ARHGAP6: variants seen among roughly 807,000 people sequenced by gnomAD.
ARHGAP6 encodes the protein Rho GTPase activating protein 6, also known as rho GTPase-activating protein 6.
ARHGAP6 carries 16 observed loss-of-function variants against 55.7 expected under a neutral mutation model. The ratio of observed to expected loss-of-function variants is 0.29; its 90% CI spans 0.19 to 0.44. The LOEUF (loss-of-function observed/expected upper bound fraction) is 0.44, where lower values mean the gene tolerates loss of function less well. ARHGAP6 is among the 20% of genes least tolerant of loss of function. ARHGAP6 has a pLI of 1.00. For synonymous variants in ARHGAP6, 382 were observed against 360.9 expected, an observed-to-expected ratio of 1.06 and a Z score of -0.66; for missense variants, 698 against 808.9, an observed-to-expected ratio of 0.86 and a Z score of 1.66.
At chrX:11,481,531 T>C (rs766824555) in intron 1 of ARHGAP6, among the ~76,000 whole-genome samples, 1 of 112,362 alleles carries the variant, frequency 8.9e-6, no homozygotes, top group Non-Finnish European at 1.9e-5. Flanking sequence ...AAGGATACGA[T>C]GAGTGCACCA....
chrX:11,404,222 C>G (rs1204400307), intron 1 of ARHGAP6, among the ~76,000 whole-genome samples: 3 of 111,177 alleles, frequency 2.7e-5, no homozygotes, highest in African/African-American at 9.8e-5. Context: ...GTCTTGTCCC[C>G]CTACCATTGC....
rs1313491019 is a variant in ARHGAP6, at chrX:11,169,630, G to T, written c.1684C>A (p.Leu562Met). ...LNLATIFGPN[L>M]LHKQKSSDKE... is the part of the protein sequence containing the mutation. ...TCTGATGACTTCTGCTTGTGCAGCA[G>T]GTTGGGTCCAAATATGGTGGCTAAG... Residue 562 changes from leucine (L) to methionine (M), a missense_variant, in exon 9 of 13, where the codon CTG (leucine) becomes ATG (methionine). By Grantham distance (15) the Leu-to-Met change is conservative. Around this residue, in one of 3 missense-constraint regions of ARHGAP6, gnomAD observed 322 missense variants for 451.1 expected, o/e 0.71. Coordinates refer to ENST00000337414, the MANE Select transcript of ARHGAP6 (RefSeq NM_013427.3). The T allele has an allele frequency of 1.7e-6, 2 of 1,207,473 alleles. No individual in the cohort carries two copies. The highest frequency in any genetic ancestry group is 2.2e-6 in the Non-Finnish European group (2 of 893,576).
rs1358050833 is a variant in ARHGAP6, at chrX:11,179,442, T to G, written c.1340A>C (p.Glu447Ala). Residue 447 changes from glutamate to alanine, a missense_variant, in exon 7 of 13, where the codon GAA (glutamate) becomes GCA (alanine). Physicochemically the swap from Glu to Ala is moderately radical, Grantham distance 107 (BLOSUM62 -1). This residue lies in a region of ARHGAP6 where 322 missense variants were observed against 451.1 expected (regional missense o/e 0.71). Coordinates refer to ENST00000337414, the MANE Select transcript of ARHGAP6 (RefSeq NM_013427.3). ...SKKRVRQLRE[E>A]FDRGIDVSLE... ...AGAGACATCAATCCCACGGTCAAAT[T>G]CCTCACGTAACTGGAAGAACAATGG... 1 of 1,207,351 alleles carries G rather than the reference T, an allele frequency of 8.3e-7. No homozygotes were observed. The highest frequency in any genetic ancestry group is 3.0e-5 in the East Asian group (1 of 33,681).
At chrX:11,609,492 C>T (rs947354827) in intron 1 of ARHGAP6, among the ~76,000 whole-genome samples, 1 of 111,514 alleles carries the variant, frequency 9.0e-6, no homozygotes, top group African/African-American at 3.3e-5. Flanking sequence ...TTGACATTTT[C>T]AGGTTGCCGC....
intron 1 of ARHGAP6, among the ~76,000 whole-genome samples, chrX:11,520,131 TTATATATA>T (rs1160731443): frequency 0.031 from 575 of 18,263 alleles, 18 homozygotes; most frequent in Middle Eastern, 0.05. Context: ...AGAATTGATT[TTATATATA>T]TATATATATA....
rs1555964732 is a variant in ARHGAP6 at position 11,174,592 on chromosome X, T to TTCTTTCTTTCTTTCTTTCTTTC, written c.1629+3507_1629+3508insGAAAGAAAGAAAGAAAGAAAGA. 7.4e-4 allele frequency among the ~76,000 whole-genome samples: 50 copies of TTCTTTCTTTCTTTCTTTCTTTC among 67,419 alleles called. 1 individual carries two copies. Among genetic ancestry groups the TTCTTTCTTTCTTTCTTTCTTTC allele is most frequent in the Admixed American group, 1.2e-3 (7 of 6,024 alleles). The allele number at this position is 67,419 out of a possible 115,157, so 58.5% of individuals were successfully genotyped here. ...TTCCTTCCTTTCTTTCTTTCTTTCT[T>TTCTTTCTTTCTTTCTTTCTTTC]TTTCTTTCTTTCTTTCTTTCTTTCT... On this transcript the variant is annotated intron_variant, in intron 8 of 12. Coordinates refer to ENST00000337414, the MANE Select transcript of ARHGAP6 (RefSeq NM_013427.3).
At chrX:11,419,936 A>G (rs762130964) in intron 1 of ARHGAP6, among the ~76,000 whole-genome samples, 103 of 112,529 alleles carry the variant, frequency 9.2e-4, no homozygotes, top group Non-Finnish European at 1.6e-3. Flanking sequence ...TGACATCCCA[A>G]ACACTCAAAT....
At chrX:11,525,472 T>A in intron 1 of ARHGAP6, among the ~76,000 whole-genome samples, 1 of 111,846 alleles carries the variant, frequency 8.9e-6, no homozygotes, top group Middle Eastern at 4.6e-3. Context: ...GGTGAATGGA[T>A]TATTAGAGTT....
At chrX:11,299,116 A>G in intron 1 of ARHGAP6, 1 of 775,529 alleles carries the variant, frequency 1.3e-6, no homozygotes, top group South Asian at 2.4e-5. Flanking sequence ...TCCAAGCAAT[A>G]TGCTATACCT....
At chrX:11,156,743 A>G (rs1448510934) in intron 9 of ARHGAP6, 117 bp from the exon 10 acceptor site, 2 of 547,785 alleles carry the variant, frequency 3.7e-6, no homozygotes, top group African/African-American at 4.7e-5. Context: ...AGACAGCAGA[A>G]TGATTTGCTG....
intron 1 of ARHGAP6, among the ~76,000 whole-genome samples, chrX:11,280,464 T>C (rs1416381558): frequency 2.7e-5 from 3 of 111,960 alleles, no homozygotes; most frequent in East Asian, 2.8e-4. Context: ...AAGATTCTGG[T>C]TTTTGTTAGT....
rs769608776 is a variant in ARHGAP6, at chrX:11,539,819, T to C, written c.588+124422A>G. ...AAATCGCCAGCCATTAAGCCTTTAGTTAAGTCTATAAACAGCTCTTTTGAA... is the reference window on the plus strand; with the variant it reads ...AAATCGCCAGCCATTAAGCCTTTAGCTAAGTCTATAAACAGCTCTTTTGAA... On this transcript the variant is annotated intron_variant, in intron 1 of 12. Coordinates refer to ENST00000337414, the MANE Select transcript of ARHGAP6 (RefSeq NM_013427.3). Among the ~76,000 whole-genome samples, 3 of 112,071 alleles carry C rather than the reference T, an allele frequency of 2.7e-5. No individual in the cohort carries two copies. The South Asian group carries it at 1.1e-3, about 42-fold the overall frequency.
At chrX:11,351,616 C>T in intron 1 of ARHGAP6, 5 of 750,683 alleles carry the variant, frequency 6.7e-6, no homozygotes, top group Non-Finnish European at 7.9e-6. Flanking sequence ...CTCCATTTCC[C>T]ATAAATGTTA....
At chrX:11,411,941 A>G (rs1302637389) in intron 1 of ARHGAP6, among the ~76,000 whole-genome samples, 2 of 111,364 alleles carry the variant, frequency 1.8e-5, no homozygotes, top group East Asian at 5.6e-4. Flanking sequence ...GGGCTCACTG[A>G]CAGTCACTCT....
At chrX:11,248,599 T>C (rs758965207) in intron 2 of ARHGAP6, among the ~76,000 whole-genome samples, 1 of 111,231 alleles carries the variant, frequency 9.0e-6, no homozygotes, top group Non-Finnish European at 1.9e-5. Context: ...CATCAAAAAG[T>C]GGGCTAAGGA....
chrX:11,406,677 C>T (rs1003505353), intron 1 of ARHGAP6, among the ~76,000 whole-genome samples: 3 of 111,365 alleles, frequency 2.7e-5, no homozygotes, highest in Non-Finnish European at 5.7e-5. Context: ...GGGATGTGTG[C>T]GTAGGGGGTA....
intron 11 of ARHGAP6, chrX:11,143,714 C>G (rs1318585718): frequency 9.2e-7 from 1 of 1,087,894 alleles, no homozygotes; most frequent in African/African-American, 1.9e-5. Context: ...ATAGGAGTGG[C>G]TCCTCTGGGC....
intron 1 of ARHGAP6, among the ~76,000 whole-genome samples, chrX:11,472,394 G>T (rs1483899352): frequency 8.9e-6 from 1 of 112,084 alleles, no homozygotes; most frequent in Non-Finnish European, 1.9e-5. Context: ...GAGATGGAGA[G>T]GCACCACTTT....
At chrX:11,176,232 C>CATATATATATATATAT (rs746195419) in intron 8 of ARHGAP6, among the ~76,000 whole-genome samples, 7 of 23,913 alleles carry the variant, frequency 2.9e-4, no homozygotes, top group South Asian at 4.4e-3. Flanking sequence ...AGAGGATTTG[C>CATATATATATATATAT]ATATATATAT....
Sources: allele counts gnomAD v4.1 joint callset (sites outside exome capture counted in the v4.1 genomes callset), GRCh38; gene constraint gnomAD v4.1.1; regional missense constraint gnomAD v4.1.1; transcripts MANE v1.5; gene names NCBI Gene and HGNC (gene_info 2026-07-23, HGNC 2026-07-21).